VAX2: variants seen among roughly 807,000 people sequenced by gnomAD.
VAX2 encodes the protein ventral anterior homeobox 2.
VAX2 carries 8 observed loss-of-function variants against 12.5 expected under a neutral mutation model. That is an observed-to-expected ratio of 0.64 (90% CI 0.37 to 1.15). VAX2 has a LOEUF of 1.15. Among genes scored for constraint, VAX2 ranks in the 50% most tolerant of loss-of-function variants. The pLI is 0.01. For missense variants in VAX2, 476 were observed against 412.9 expected (o/e 1.15, Z -1.32); for synonymous variants, 183 against 187.6 (o/e 0.98, Z 0.20).
intron 1 of VAX2, among the ~76,000 whole-genome samples, chr2:70,914,582 C>T (rs1480311711): frequency 7.2e-6 from 1 of 139,512 alleles, no homozygotes; most frequent in East Asian, 2.0e-4. Flanking sequence ...TACAGTGCAC[C>T]ATTGTTATTA....
chr2:70,919,220 T>C (rs1384864111), intron 1 of VAX2, among the ~76,000 whole-genome samples: 2 of 136,754 alleles, frequency 1.5e-5, no homozygotes, highest in African/African-American at 5.5e-5. Context: ...AGCAACAGAG[T>C]GTGTCTCCAC....
intron 1 of VAX2, among the ~76,000 whole-genome samples, chr2:70,919,957 T>C (rs1220184594): frequency 6.6e-6 from 1 of 152,228 alleles, no homozygotes; most frequent in Non-Finnish European, 1.5e-5. Flanking sequence ...ACGGCTGGAA[T>C]GTCAACAGCC....
intron 2 of VAX2, among the ~76,000 whole-genome samples, chr2:70,931,670 T>C (rs974091067): frequency 1.3e-5 from 2 of 152,108 alleles, no homozygotes; most frequent in South Asian, 4.1e-4. Context: ...GTTTCAGAAT[T>C]CCCCGCCAAA....
Position 70,902,950 on chromosome 2 carries a change from T to A in VAX2, c.247+2082T>A, listed in dbSNP as rs76725502. On this transcript the variant is annotated intron_variant, in intron 1 of 2. Transcript: ENST00000234392. ...AGCATAGAGGATATATTTACACACT[T>A]GACAGAAATGAAAGGCAAATGGGGC... Among the ~76,000 whole-genome samples the A allele has an allele frequency of 2.0e-3, 298 of 152,302 alleles. 1 individual carries two copies. Among genetic ancestry groups the A allele is most frequent in the African/African-American group, 6.8e-3 (283 of 41,560 alleles).
intron 2 of VAX2, among the ~76,000 whole-genome samples, chr2:70,929,455 G>A (rs951843754): frequency 2.1e-5 from 3 of 139,738 alleles, no homozygotes; most frequent in Non-Finnish European, 3.1e-5. Context: ...TTAGGAGGCC[G>A]AGGTGGGCAG....
At chr2:70,925,332 G>A (rs115658071) in intron 2 of VAX2, among the ~76,000 whole-genome samples, 2,867 of 152,260 alleles carry the variant, frequency 0.019, 94 homozygotes, top group African/African-American at 0.062. Context: ...GGAGAGAAGC[G>A]TACTAATGTG....
intron 1 of VAX2, among the ~76,000 whole-genome samples, chr2:70,914,923 C>A (rs782715547): frequency 2.0e-5 from 3 of 151,880 alleles, no homozygotes; most frequent in Middle Eastern, 3.4e-3. Flanking sequence ...TGCCTCGGCC[C>A]CTGAGTAGCT....
chr2:70,915,275 T>G (rs554420378), intron 1 of VAX2, among the ~76,000 whole-genome samples: 57 of 151,798 alleles, frequency 3.8e-4, no homozygotes, highest in African/African-American at 1.1e-3. Context: ...TGAGACCGAG[T>G]CTTGCTCTGT....
chr2:70,920,237 T>A (rs1207763626), intron 1 of VAX2, among the ~76,000 whole-genome samples: 2 of 152,214 alleles, frequency 1.3e-5, no homozygotes, highest in Non-Finnish European at 2.9e-5. Context: ...TATAAAATGT[T>A]CTAATAACTA....
chr2:70,910,090 A>T (rs1320962469), intron 1 of VAX2, among the ~76,000 whole-genome samples: 1 of 152,150 alleles, frequency 6.6e-6, no homozygotes, highest in Admixed American at 6.5e-5. Context: ...ATAGTATTAT[A>T]GGTGACTTTT....
chr2:70,932,734 C>T (rs1679723021), intron 2 of VAX2, 33 bp from the exon 3 acceptor site: 3 of 1,382,636 alleles, frequency 2.2e-6, no homozygotes, highest in South Asian at 1.4e-5. Context: ...CCTGTCCCAT[C>T]TCCCTCCTTG....
chr2:70,931,717 T>C (rs1679699148), intron 2 of VAX2, among the ~76,000 whole-genome samples: 1 of 152,250 alleles, frequency 6.6e-6, no homozygotes, highest in Admixed American at 6.5e-5. Flanking sequence ...CCTGGGCCTC[T>C]CCAGGGTCAG....
Position 70,921,217 on chromosome 2 carries a change from C to G in VAX2, c.367C>G (p.Arg123Gly), listed in dbSNP as rs782217454. The change falls in exon 2 of 3, where the codon CGC becomes GGC. Residue 123 changes from arginine to glycine, a missense_variant. Arg to Gly is a moderately radical substitution (Grantham distance 125, BLOSUM62 -2). Transcript: ENST00000234392. ...GTACCGCCTGGAGATGGAGTTCCAG[C>G]GCTGCCAGTATGTGGTGGGCCGCGA... is the stretch of plus-strand genomic sequence containing the variant. The part of the protein sequence containing the change: ...QLYRLEMEFQ[R>G]CQYVVGRERT... 1.2e-6 allele frequency: 2 copies of G among 1,613,616 alleles called. No individual in the cohort carries two copies. Among genetic ancestry groups the G allele is most frequent in the Middle Eastern group, 1.7e-4 (1 of 6,060 alleles).
intron 2 of VAX2, among the ~76,000 whole-genome samples, chr2:70,924,718 A>T (rs1679531096): frequency 6.6e-6 from 1 of 152,130 alleles, no homozygotes; most frequent in Non-Finnish European, 1.5e-5. Context: ...TTCACCCATA[A>T]TTTTGTTCAA....
intron 1 of VAX2, among the ~76,000 whole-genome samples, chr2:70,920,789 T>C (rs1416185571): frequency 6.6e-6 from 1 of 152,172 alleles, no homozygotes; most frequent in Non-Finnish European, 1.5e-5. Context: ...ATCTGTTCCT[T>C]ACTCTGCAAA....
chr2:70,923,762 C>T (rs1039952255), intron 2 of VAX2, among the ~76,000 whole-genome samples: 4 of 150,972 alleles, frequency 2.6e-5, no homozygotes, highest in African/African-American at 7.3e-5. Flanking sequence ...AGCTCCCATG[C>T]CGTTTCCAGT....
At chr2:70,921,446 G>A (rs561600037) in intron 2 of VAX2, among the ~76,000 whole-genome samples, 161 bp downstream of exon 2, 1 of 152,194 alleles carries the variant, frequency 6.6e-6, no homozygotes, top group Non-Finnish European at 1.5e-5. Context: ...GAGTGAAAGA[G>A]CAAATAAATA....
intron 1 of VAX2, among the ~76,000 whole-genome samples, chr2:70,901,720 C>T (rs1572883592): frequency 6.6e-6 from 1 of 152,250 alleles, no homozygotes; most frequent in East Asian, 1.9e-4. Context: ...CCAAGGGCTC[C>T]GCTTTCCCTC....
intron 2 of VAX2, among the ~76,000 whole-genome samples, chr2:70,923,667 A>G (rs1282510849): frequency 6.6e-6 from 1 of 152,128 alleles, no homozygotes; most frequent in Non-Finnish European, 1.5e-5. Flanking sequence ...CCTCCCCTAC[A>G]CTTGCTGGTT....
Sources: gnomAD v4.1 joint callset for allele counts (sites outside exome capture counted in the v4.1 genomes callset) on GRCh38, gnomAD v4.1.1 for gene constraint, MANE v1.5 for transcripts, NCBI Gene and HGNC (gene_info 2026-07-23, HGNC 2026-07-21) for gene names.